The following SGK3 variants were observed in gnomAD, a reference collection of about 807,000 sequenced individuals.
SGK3 encodes the protein serine/threonine-protein kinase Sgk3.
A neutral mutation model predicts 68.5 loss-of-function variants in SGK3; 47 were observed. That is an observed-to-expected ratio of 0.69 (90% confidence interval 0.54 to 0.87). The LOEUF is 0.87. SGK3 is among the 40% of genes least tolerant of loss of function. SGK3 has a pLI of 0.00. For missense variants in SGK3, 479 were observed against 575.5 expected, an observed-to-expected ratio of 0.83 and a Z score of 1.72; for synonymous variants, 181 against 189.1, an observed-to-expected ratio of 0.96 and a Z score of 0.35.
chr8:66,822,880 C>G (rs944839550), intron 6 of SGK3, among the ~76,000 whole-genome samples: 6 of 152,202 alleles, frequency 3.9e-5, no homozygotes, highest in African/African-American at 1.4e-4. Context: ...CTCAGCCTCT[C>G]AGAATGCTGG....
At chr8:66,834,889 G>A (rs1180520431) in intron 8 of SGK3, among the ~76,000 whole-genome samples, 18 of 148,682 alleles carry the variant, frequency 1.2e-4, no homozygotes, top group African/African-American at 3.0e-4. Context: ...GCAGTGAGCC[G>A]AGATCGCGCC....
At chr8:66,791,361 C>G (rs1038660276) in intron 1 of SGK3, among the ~76,000 whole-genome samples, 1 of 152,042 alleles carries the variant, frequency 6.6e-6, no homozygotes, top group African/African-American at 2.4e-5. Context: ...GAAAGAGTGG[C>G]GTTTGGGTCT....
intron 1 of SGK3, among the ~76,000 whole-genome samples, chr8:66,789,890 C>T (rs1807366344): frequency 6.6e-6 from 1 of 152,040 alleles, no homozygotes; most frequent in African/African-American, 2.4e-5. Context: ...CCAGCCTGGT[C>T]ATCATGACGA....
At chr8:66,795,779 G>A (rs943213432) in intron 2 of SGK3, among the ~76,000 whole-genome samples, 5 of 151,992 alleles carry the variant, frequency 3.3e-5, no homozygotes, top group Admixed American at 1.3e-4. Flanking sequence ...TATTAGAGAG[G>A]CATATTTTGA....
chr8:66,793,011 A>G (rs1807527584), intron 1 of SGK3, among the ~76,000 whole-genome samples: 1 of 152,190 alleles, frequency 6.6e-6, no homozygotes, highest in African/African-American at 2.4e-5. Context: ...CCCTTTGTTC[A>G]TGGGGTGGGA....
chr8:66,715,481 C>G (rs1804607193), intron 1 of SGK3, among the ~76,000 whole-genome samples: 1 of 152,100 alleles, frequency 6.6e-6, no homozygotes, highest in Admixed American at 6.6e-5. Context: ...TATTATCAAA[C>G]CCCTGACATG....
At chr8:66,783,088 A>G (rs1032712784) in intron 1 of SGK3, among the ~76,000 whole-genome samples, 1 of 152,224 alleles carries the variant, frequency 6.6e-6, no homozygotes, top group Admixed American at 6.5e-5. Context: ...TTGCATTCCT[A>G]CCAACAGAGA....
intron 1 of SGK3, among the ~76,000 whole-genome samples, chr8:66,716,871 C>G (rs1026830911): frequency 3.3e-5 from 5 of 152,108 alleles, no homozygotes; most frequent in East Asian, 3.9e-4. Flanking sequence ...TAGCTTTCTT[C>G]AAGCCACTAA....
At chr8:66,834,783 A>T (rs1001474896) in intron 8 of SGK3, among the ~76,000 whole-genome samples, 7 of 151,970 alleles carry the variant, frequency 4.6e-5, no homozygotes, top group South Asian at 4.2e-4. Flanking sequence ...AATACAAAAA[A>T]AAATAAATTA....
chr8:66,731,198 T>C (rs1805141012), intron 1 of SGK3, among the ~76,000 whole-genome samples: 1 of 152,198 alleles, frequency 6.6e-6, no homozygotes. Context: ...TATGGGATAA[T>C]ATGTGGACTA....
chr8:66,788,870 G>A (rs781086182), intron 1 of SGK3, among the ~76,000 whole-genome samples: 2 of 152,062 alleles, frequency 1.3e-5, no homozygotes, highest in Non-Finnish European at 2.9e-5. Flanking sequence ...TGTTCACCAG[G>A]TCCAGTTAAG....
At chr8:66,792,661 T>C (rs1243634420) in intron 1 of SGK3, among the ~76,000 whole-genome samples, 1 of 152,094 alleles carries the variant, frequency 6.6e-6, no homozygotes, top group Non-Finnish European at 1.5e-5. Context: ...GGAGGAATGC[T>C]TGAGCCCAGG....
chr8:66,764,500 C>T (rs767593085), intron 1 of SGK3, among the ~76,000 whole-genome samples: 2 of 152,054 alleles, frequency 1.3e-5, no homozygotes, highest in Non-Finnish European at 2.9e-5. Flanking sequence ...GAAAGGGCCT[C>T]ACTCCAGTTG....
In SGK3 at chr8:66,840,074, T is replaced by A; in HGVS notation, c.813T>A (p.Ala271=). The A allele has an allele frequency of 6.2e-7, 1 of 1,614,108 alleles. No individual in the cohort carries two copies. Among genetic ancestry groups the A allele is most frequent in the Non-Finnish European group, 8.5e-7 (1 of 1,180,000 alleles). ...HRARFYAAEI[A]SALGYLHSIK... ...CTAGGTTTTACGCTGCTGAAATTGC[T>A]AGTGCATTGGGTTACTTACATTCCA... is the stretch of plus-strand genomic sequence containing the variant. Residue 271 remains alanine (A), a synonymous_variant, in exon 11 of 17, where the codon GCT becomes GCA. Transcript: ENST00000521198.
chr8:66,810,704 C>A (rs183345629), intron 4 of SGK3, among the ~76,000 whole-genome samples: 1 of 151,914 alleles, frequency 6.6e-6, no homozygotes, highest in Non-Finnish European at 1.5e-5. Context: ...TCCGTCTCAA[C>A]GAAAATAAAT....
chr8:66,736,671 G>GTGCAA (rs1182240721), intron 1 of SGK3, among the ~76,000 whole-genome samples: 4 of 151,638 alleles, frequency 2.6e-5, no homozygotes, highest in Non-Finnish European at 5.9e-5. Flanking sequence ...CAAGGCTGGA[G>GTGCAA]TGCAATGGCG....
chr8:66,714,598 T>A (rs1804581268), intron 1 of SGK3, among the ~76,000 whole-genome samples: 1 of 152,214 alleles, frequency 6.6e-6, no homozygotes, highest in Non-Finnish European at 1.5e-5. Flanking sequence ...GAAGTGTCTC[T>A]TGAAGCAAGA....
At chr8:66,839,629 A>G (rs1809715813) in intron 10 of SGK3, among the ~76,000 whole-genome samples, 1 of 145,156 alleles carries the variant, frequency 6.9e-6, no homozygotes, top group Admixed American at 7.0e-5. Context: ...TTTTTTTCAA[A>G]TGGAAAACAT....
At chr8:66,744,526 T>G (rs900012287) in intron 1 of SGK3, among the ~76,000 whole-genome samples, 3 of 100,004 alleles carry the variant, frequency 3.0e-5, no homozygotes, top group African/African-American at 1.3e-4. Context: ...TATATTTTTT[T>G]TTTTTTTTTT....
Sources: allele counts gnomAD v4.1 joint callset (sites outside exome capture counted in the v4.1 genomes callset), GRCh38; gene constraint gnomAD v4.1.1; transcripts MANE v1.5; gene names NCBI Gene and HGNC (gene_info 2026-07-23, HGNC 2026-07-21).